Variants in SLC24A4 observed in about 807,000 individuals in gnomAD.
SLC24A4 encodes sodium/potassium/calcium exchanger 4.
Under a neutral mutation model 79.0 loss-of-function variants are expected in SLC24A4, and 53 were observed. That is an observed-to-expected ratio of 0.67 (90% CI 0.54 to 0.84). The LOEUF (loss-of-function observed/expected upper bound fraction) is 0.84, where lower values mean the gene tolerates loss of function less well. SLC24A4 is among the 40% of genes least tolerant of loss of function. The pLI is 0.00. For synonymous variants in SLC24A4, 323 were observed against 323.8 expected, an observed-to-expected ratio of 1.00 and a Z score of 0.03; for missense variants, 731 against 822.0, an observed-to-expected ratio of 0.89 and a Z score of 1.35.
At chr14:92,395,679 C>T (rs1889733164) in intron 2 of SLC24A4, among the ~76,000 whole-genome samples, 1 of 152,192 alleles carries the variant, frequency 6.6e-6, no homozygotes, top group Non-Finnish European at 1.5e-5. Flanking sequence ...GGCCTGCACT[C>T]AGTCAAGGAC....
At chr14:92,471,818 A>T (rs1894455434) in intron 12 of SLC24A4, among the ~76,000 whole-genome samples, 1 of 152,192 alleles carries the variant, frequency 6.6e-6, no homozygotes, top group Non-Finnish European at 1.5e-5. Flanking sequence ...TGCTGTTACC[A>T]TTAAAGGGGA....
intron 2 of SLC24A4, among the ~76,000 whole-genome samples, chr14:92,382,128 C>A (rs1160054114): frequency 6.6e-6 from 1 of 151,916 alleles, no homozygotes; most frequent in Non-Finnish European, 1.5e-5. Flanking sequence ...ACACATAAAT[C>A]TATACATAAG....
At chr14:92,384,410 GT>G (rs1464335583) in intron 2 of SLC24A4, among the ~76,000 whole-genome samples, 1 of 150,670 alleles carries the variant, frequency 6.6e-6, no homozygotes, top group East Asian at 1.9e-4. Context: ...TGGAGCAGGG[GT>G]TTAAGATCAA....
intron 2 of SLC24A4, among the ~76,000 whole-genome samples, chr14:92,420,115 C>T (rs192075936): frequency 2.6e-3 from 398 of 152,226 alleles, no homozygotes; most frequent in African/African-American, 9.2e-3. Context: ...AGCTGATTGC[C>T]CCTAAGTCTC....
intron 2 of SLC24A4, among the ~76,000 whole-genome samples, chr14:92,402,637 G>C (rs943886617): frequency 1.3e-5 from 2 of 152,136 alleles, no homozygotes; most frequent in African/African-American, 4.8e-5. Context: ...CCACATGGCT[G>C]GGGAAGCCTC....
chr14:92,454,145 G>T (rs1025689157), intron 11 of SLC24A4, 76 bp downstream of exon 11: 19 of 1,479,536 alleles, frequency 1.3e-5, no homozygotes, highest in Non-Finnish European at 3.7e-6. Context: ...GCTCTTCCTG[G>T]TGCCATTGAT....
At chr14:92,411,961 C>G (rs1385458806) in intron 2 of SLC24A4, among the ~76,000 whole-genome samples, 3 of 152,100 alleles carry the variant, frequency 2.0e-5, no homozygotes, top group Admixed American at 1.3e-4. Flanking sequence ...CAAAAAAACC[C>G]TGGACTGAGC....
At chr14:92,470,344 C>T (rs1379936989) in intron 12 of SLC24A4, among the ~76,000 whole-genome samples, 3 of 152,176 alleles carry the variant, frequency 2.0e-5, no homozygotes, top group Admixed American at 6.5e-5. Context: ...CAAATCTACT[C>T]TGCATCATCC....
chr14:92,444,720 TG>T (rs1329931151), intron 7 of SLC24A4, among the ~76,000 whole-genome samples: 3 of 152,100 alleles, frequency 2.0e-5, no homozygotes, highest in Admixed American at 2.0e-4. Flanking sequence ...CCGGGTTTGG[TG>T]GTGCATGCCT....
At chr14:92,465,819 C>G (rs1424269594) in intron 12 of SLC24A4, among the ~76,000 whole-genome samples, 1 of 152,092 alleles carries the variant, frequency 6.6e-6, no homozygotes. Context: ...GGCCTTTGGT[C>G]TCTCTGCACC....
intron 2 of SLC24A4, among the ~76,000 whole-genome samples, chr14:92,430,131 A>G (rs1201249623): frequency 6.6e-6 from 1 of 152,178 alleles, no homozygotes; most frequent in Non-Finnish European, 1.5e-5. Flanking sequence ...TCCCACCTCA[A>G]TAACCTTCCA....
At chr14:92,443,844 C>T (rs1892641266) in intron 7 of SLC24A4, among the ~76,000 whole-genome samples, 2 of 152,152 alleles carry the variant, frequency 1.3e-5, no homozygotes, top group South Asian at 2.1e-4. Context: ...GGCAGGGCTG[C>T]GCTTGCAGGG....
chr14:92,368,383 G>A (rs566736360), intron 2 of SLC24A4, among the ~76,000 whole-genome samples: 12 of 152,320 alleles, frequency 7.9e-5, no homozygotes, highest in African/African-American at 2.6e-4. Flanking sequence ...GCCTCATTTA[G>A]GAGATTTGGA....
Position 92,353,624 on chromosome 14 carries a change from G to A in SLC24A4, c.241+27646G>A, listed in dbSNP as rs1179087128. 1.3e-5 allele frequency among the ~76,000 whole-genome samples: 2 copies of A among 152,194 alleles called. No individual in the cohort carries two copies. The highest frequency in any genetic ancestry group is 2.9e-5 in the Non-Finnish European group (2 of 68,030). On this transcript the variant is annotated intron_variant, in intron 2 of 16. Transcript: ENST00000532405. The surrounding 1 kb of genome is among the most constrained non-coding windows in gnomAD (Gnocchi z 4.1). The stretch of plus-strand genomic sequence containing the variant: ...AATCATGGTATCTCAGTTTGTTTCA[G>A]TCATGAGTGAGGTTGAGCATTTTTC...
chr14:92,340,143 G>A (rs933471922), intron 2 of SLC24A4, among the ~76,000 whole-genome samples: 1 of 152,236 alleles, frequency 6.6e-6, no homozygotes, highest in Non-Finnish European at 1.5e-5. Context: ...GCCATGTAGT[G>A]TAAATACAGT....
Position 92,353,912 on chromosome 14 carries a change from C to T in SLC24A4, c.241+27934C>T, listed in dbSNP as rs1425301725. 2.6e-5 allele frequency among the ~76,000 whole-genome samples: 4 copies of T among 152,236 alleles called. No individual in the cohort carries two copies. Among genetic ancestry groups the T allele is most frequent in the Admixed American group, 6.5e-5 (1 of 15,286 alleles). On this transcript the variant is annotated intron_variant, in intron 2 of 16. Coordinates refer to ENST00000532405, the MANE Select transcript of SLC24A4 (RefSeq NM_153646.4). This position sits in a 1 kb window ranked among gnomAD's most constrained non-coding sequence, Gnocchi z 4.1. The stretch of plus-strand genomic sequence containing the variant: ...CGCCATCCCAAGTGAGCTTCCCACA[C>T]GGCCGGCCCAGAGAGCAGGAGAGTT...
At chr14:92,421,084 G>A (rs1035105426) in intron 2 of SLC24A4, among the ~76,000 whole-genome samples, 1 of 152,154 alleles carries the variant, frequency 6.6e-6, no homozygotes, top group South Asian at 2.1e-4. Context: ...GGGGAGGCAC[G>A]GTGATGGCTG....
chr14:92,443,845 G>A (rs1005170399), intron 7 of SLC24A4, among the ~76,000 whole-genome samples: 19 of 152,286 alleles, frequency 1.2e-4, no homozygotes, highest in African/African-American at 2.9e-4. Flanking sequence ...GCAGGGCTGC[G>A]CTTGCAGGGT....
rs894647820 is a variant in SLC24A4 at position 92,501,192 on chromosome 14, T to C, written c.*7564T>C. 2.0e-5 allele frequency: 3 copies of C among 152,210 alleles called. No homozygotes were observed. The highest frequency in any genetic ancestry group is 7.2e-5 in the African/African-American group (3 of 41,452). The allele number at this position is 152,210 out of a possible 1,614,324, so 9.4% of individuals were successfully genotyped here. A position where few individuals can be genotyped will look rare whatever the true frequency, so the allele number is the denominator to read the frequency against. On this transcript the variant is annotated 3_prime_UTR_variant, in exon 17 of 17. Transcript: ENST00000532405. ...AATGGGCAAAGCAGGATCATCGAGT[T>C]GAAAAGTTGTAAATAATGAGGATAT... is the stretch of plus-strand genomic sequence containing the variant.
Sources: gnomAD v4.1 joint callset for allele counts (sites outside exome capture counted in the v4.1 genomes callset) on GRCh38, gnomAD v4.1.1 for gene constraint, Gnocchi (gnomAD v3.1) non-coding constraint, MANE v1.5 for transcripts, NCBI Gene and HGNC (gene_info 2026-07-23, HGNC 2026-07-21) for gene names.